The following TMTC2 variants were observed in gnomAD, a reference collection of about 807,000 sequenced individuals.
TMTC2 encodes protein O-mannosyl-transferase TMTC2.
A neutral mutation model predicts 82.4 loss-of-function variants in TMTC2; 43 were observed. The ratio of observed to expected loss-of-function variants is 0.52; its 90% CI spans 0.41 to 0.67. The LOEUF (loss-of-function observed/expected upper bound fraction) is 0.67. Among genes scored for constraint, TMTC2 ranks in the 30% least tolerant of loss-of-function variants. The pLI, the probability that TMTC2 is intolerant of heterozygous loss-of-function variation, is 0.00. For missense variants in TMTC2, 919 were observed against 1,012.4 expected (o/e 0.91, Z 1.25); for synonymous variants, 408 against 381.9 (o/e 1.07, Z -0.80).
At chr12:83,024,434 A>C (rs148787342) in intron 8 of TMTC2, among the ~76,000 whole-genome samples, 1 of 152,266 alleles carries the variant, frequency 6.6e-6, no homozygotes, top group African/African-American at 2.4e-5. Context: ...TGTTATTGGT[A>C]TAGAGATAAC....
At chr12:83,010,739 AT>A (rs1290984061) in intron 8 of TMTC2, among the ~76,000 whole-genome samples, 1 of 152,162 alleles carries the variant, frequency 6.6e-6, no homozygotes, top group African/African-American at 2.4e-5. Context: ...GGAACCACCG[AT>A]ATTCGTGAGA....
At chr12:83,029,818 G>A (rs10862570) in intron 8 of TMTC2, among the ~76,000 whole-genome samples, 90,873 of 152,028 alleles carry the variant, frequency 0.6, 27,579 homozygotes, top group South Asian at 0.73. Context: ...AATCTGTTTC[G>A]ACTGTGGTAT....
intron 11 of TMTC2, among the ~76,000 whole-genome samples, chr12:83,128,036 T>G (rs1412130877): frequency 2.0e-5 from 3 of 152,134 alleles, no homozygotes; most frequent in Non-Finnish European, 4.4e-5. Context: ...GCCTGTGAAG[T>G]AGGAGATGGT....
chr12:82,801,712 C>T (rs1254133606), intron 1 of TMTC2, among the ~76,000 whole-genome samples: 1 of 152,004 alleles, frequency 6.6e-6, no homozygotes, highest in Non-Finnish European at 1.5e-5. Context: ...ATCTACAAAC[C>T]TTGAGCTAGA....
chr12:82,772,364 A>C (rs1437157404), intron 1 of TMTC2, among the ~76,000 whole-genome samples: 1 of 152,210 alleles, frequency 6.6e-6, no homozygotes, highest in Non-Finnish European at 1.5e-5. Flanking sequence ...TTTTCAGTGG[A>C]GTCTTGAAAG....
At chr12:83,065,536 CT>C (rs1288581516) in intron 11 of TMTC2, among the ~76,000 whole-genome samples, 1 of 151,766 alleles carries the variant, frequency 6.6e-6, no homozygotes, top group Non-Finnish European at 1.5e-5. Context: ...ATTTTTGGGG[CT>C]GATTGTCCTA....
At chr12:82,916,615 G>A (rs553375199) in intron 3 of TMTC2, among the ~76,000 whole-genome samples, 2 of 152,252 alleles carry the variant, frequency 1.3e-5, no homozygotes, top group South Asian at 2.1e-4. Flanking sequence ...AGGAACAACC[G>A]TAGATACACT....
At chr12:82,876,100 G>A (rs559284260) in intron 2 of TMTC2, among the ~76,000 whole-genome samples, 13 of 136,814 alleles carry the variant, frequency 9.5e-5, no homozygotes, top group Non-Finnish European at 2.1e-4. Context: ...ATTCATAATG[G>A]TGGTGGTGGT....
chr12:82,854,994 A>G (rs760297747), intron 1 of TMTC2, among the ~76,000 whole-genome samples: 2 of 152,196 alleles, frequency 1.3e-5, no homozygotes, highest in African/African-American at 2.4e-5. Context: ...CAGAGAGATC[A>G]TTTGCACTAG....
At chr12:82,988,072 G>A (rs1335636303) in intron 8 of TMTC2, among the ~76,000 whole-genome samples, 1 of 152,214 alleles carries the variant, frequency 6.6e-6, no homozygotes, top group Non-Finnish European at 1.5e-5. Context: ...CTGGAGTGAG[G>A]TGCATAAAAG....
At chr12:82,977,377 G>T (rs1013238850) in intron 7 of TMTC2, among the ~76,000 whole-genome samples, 1 of 151,860 alleles carries the variant, frequency 6.6e-6, no homozygotes, top group Admixed American at 6.6e-5. Flanking sequence ...GAGTGATATT[G>T]TACCCATGAG....
In TMTC2 at chr12:83,133,168, C is replaced by T. The variant is rs868555846; in HGVS notation, c.*779C>T. 1 of 152,120 alleles carries T rather than the reference C, an allele frequency of 6.6e-6. No homozygotes were observed. The highest frequency in any genetic ancestry group is 2.4e-5 in the African/African-American group (1 of 41,416). The allele number at this position is 152,120 out of a possible 1,614,324, so 9.4% of individuals were successfully genotyped here. On this transcript the variant is annotated 3_prime_UTR_variant, in exon 12 of 12. Coordinates refer to ENST00000321196, the MANE Select transcript of TMTC2 (RefSeq NM_152588.3). ...ATCGTCAATATTTTCCCCCAAACTG[C>T]CCAGTAGAATTCATTGTATTAATTC...
intron 8 of TMTC2, among the ~76,000 whole-genome samples, chr12:82,994,107 C>T (rs1274944765): frequency 1.3e-5 from 2 of 152,072 alleles, no homozygotes; most frequent in Admixed American, 1.3e-4. Context: ...TATCTAAGCC[C>T]ATTTGTAATT....
chr12:82,899,664 A>AGTG (rs1873875436), intron 3 of TMTC2, among the ~76,000 whole-genome samples: 1 of 139,474 alleles, frequency 7.2e-6, no homozygotes, highest in Admixed American at 7.5e-5. Context: ...TATATATATA[A>AGTG]GAATATATAT....
chr12:82,832,745 T>C (rs567608323), intron 1 of TMTC2, among the ~76,000 whole-genome samples: 26 of 152,328 alleles, frequency 1.7e-4, no homozygotes, highest in African/African-American at 6.3e-4. Context: ...AGCAGAAAGT[T>C]CTAAACTTCT....
At chr12:82,699,388 C>T (rs766048423) in intron 1 of TMTC2, among the ~76,000 whole-genome samples, 2 of 152,176 alleles carry the variant, frequency 1.3e-5, no homozygotes, top group Non-Finnish European at 1.5e-5. Context: ...TTTCCTTCTG[C>T]GGAGTAAACC....
At chr12:83,106,687 A>C (rs1227809019) in intron 11 of TMTC2, among the ~76,000 whole-genome samples, 2 of 152,224 alleles carry the variant, frequency 1.3e-5, no homozygotes, top group Non-Finnish European at 2.9e-5. Context: ...CATGCAGGTC[A>C]AGCAAGAGCA....
chr12:82,875,591 A>C lies in TMTC2; in HGVS notation c.654+18011A>C, dbSNP rs188349685. ...TTGAAAATGAGCTAAGTCAGAATTT[A>C]GCATTACGGCTATTCTCTGGATACT... On this transcript the variant is annotated intron_variant, in intron 2 of 11. Coordinates refer to ENST00000321196, the MANE Select transcript of TMTC2 (RefSeq NM_152588.3). Among the ~76,000 whole-genome samples, 421 of 152,330 alleles carry C rather than the reference A, an allele frequency of 2.8e-3. 2 individuals carry two copies. The highest frequency in any genetic ancestry group is 9.6e-3 in the African/African-American group (400 of 41,568).
intron 1 of TMTC2, among the ~76,000 whole-genome samples, chr12:82,753,329 T>A (rs938636924): frequency 4.8e-4 from 72 of 151,350 alleles, no homozygotes; most frequent in African/African-American, 1.7e-3. Context: ...ATAATGGCTT[T>A]TTTTTTTTTT....
Sources: gnomAD v4.1 joint callset for allele counts (sites outside exome capture counted in the v4.1 genomes callset) on GRCh38, gnomAD v4.1.1 for gene constraint, MANE v1.5 for transcripts, NCBI Gene and HGNC (gene_info 2026-07-23, HGNC 2026-07-21) for gene names.